TPPP: variants seen among roughly 807,000 people sequenced by gnomAD.
The protein encoded by TPPP is tubulin polymerization-promoting protein.
Under a neutral mutation model 15.5 loss-of-function variants are expected in TPPP, and 6 were observed. That is an observed-to-expected ratio of 0.39 (90% CI 0.21 to 0.77). The LOEUF is 0.77. TPPP is among the 30% of genes least tolerant of loss of function. The pLI, the probability that TPPP is intolerant of heterozygous loss-of-function variation, is 0.42. For synonymous variants in TPPP, 146 were observed against 133.9 expected (o/e 1.09, Z -0.63); for missense variants, 269 against 307.2 (o/e 0.88, Z 0.93).
chr5:673,810 C>T (rs1386574625), intron 2 of TPPP, among the ~76,000 whole-genome samples: 1 of 152,204 alleles, frequency 6.6e-6, no homozygotes, highest in Non-Finnish European at 1.5e-5. Flanking sequence ...CAGGCCCAGA[C>T]CAGCTGGGGC....
intron 2 of TPPP, chr5:667,056 AG>A (rs906932748): frequency 2.0e-5 from 3 of 148,388 alleles, no homozygotes; most frequent in African/African-American, 5.3e-5. Flanking sequence ...ACCAAGAGTC[AG>A]GGGACAAATG....
At chr5:666,148 G>GCACAGGCGA (rs779696154) in intron 2 of TPPP, 25 bp from the exon 3 acceptor site, 17 of 1,604,312 alleles carry the variant, frequency 1.1e-5, no homozygotes, top group South Asian at 8.8e-5. Context: ...GCGACTTAGG[G>GCACAGGCGA]CTGGGCGCGG....
At chr5:672,952 T>C (rs901180007) in intron 2 of TPPP, among the ~76,000 whole-genome samples, 1 of 152,212 alleles carries the variant, frequency 6.6e-6, no homozygotes, top group Non-Finnish European at 1.5e-5. Context: ...GGCTCGCAGA[T>C]ACCCCGAGCT....
In TPPP at chr5:662,270, G is replaced by A. The variant is rs1384501116; in HGVS notation, c.*2832C>T. On this transcript the variant is annotated 3_prime_UTR_variant, in exon 4 of 4. Coordinates refer to ENST00000360578, the MANE Select transcript of TPPP (RefSeq NM_007030.3). ...GTCGGTGACAGGGCCTGCTCCCTGCGAGGTCGGGTGGTGCCCGGGCCGGGC... is the reference window on the plus strand; with the variant it reads ...GTCGGTGACAGGGCCTGCTCCCTGCAAGGTCGGGTGGTGCCCGGGCCGGGC... 6.5e-6 allele frequency: 1 copy of A among 152,724 alleles called. No homozygotes were observed. The highest frequency in any genetic ancestry group is 2.4e-5 in the African/African-American group (1 of 41,468). 9.5% of individuals were successfully genotyped at this position (152,724 alleles called of 1,614,324 possible). A position where few individuals can be genotyped will look rare whatever the true frequency, so the allele number is the denominator to read the frequency against.
At position 664,893 on chromosome 5, in the gene TPPP, TG is replaced by T. The variant is rs1561079142; in HGVS notation, c.*208del. ...AGGTGTATTAGGAGGGTCAGCGAAC[TG>T]GGGCCCAAACCTGGTTTGAGAGGGG... On this transcript the variant is annotated 3_prime_UTR_variant, in exon 4 of 4. Coordinates refer to ENST00000360578, the MANE Select transcript of TPPP (RefSeq NM_007030.3). The T allele has an allele frequency of 6.7e-6, 4 of 595,832 alleles. No homozygotes were observed. In the East Asian group the frequency reaches 8.5e-5, roughly 13 times the overall value. 36.9% of individuals were successfully genotyped at this position (595,832 alleles called of 1,614,324 possible). A position where few individuals can be genotyped will look rare whatever the true frequency, so the allele number is the denominator to read the frequency against.
intron 2 of TPPP, among the ~76,000 whole-genome samples, chr5:668,826 G>A (rs1740069215): frequency 6.6e-6 from 1 of 152,358 alleles, no homozygotes; most frequent in South Asian, 2.1e-4. Context: ...GTGTGCGCAC[G>A]TGGACAGCAC....
At chr5:675,349 AGTGTGGGGGTGTGCAGTGTGGC>A (rs1740382833) in intron 2 of TPPP, among the ~76,000 whole-genome samples, 1 of 14,962 alleles carries the variant, frequency 6.7e-5, no homozygotes, top group Admixed American at 1.1e-3. Context: ...CTGGGGGTGC[AGTGTGGGGGTGTGCAGTGTGGC>A]CGGGGGTGCA....
upstream of TPPP, among the ~76,000 whole-genome samples, chr5:697,339 G>C (rs1303510395): frequency 1.4e-5 from 2 of 140,448 alleles, no homozygotes; most frequent in South Asian, 2.5e-4. Flanking sequence ...TTCTTAATAC[G>C]CCAGCCATCG....
At chr5:685,333 G>C (rs1448198567) in intron 1 of TPPP, among the ~76,000 whole-genome samples, 1 of 152,222 alleles carries the variant, frequency 6.6e-6, no homozygotes, top group African/African-American at 2.4e-5. Context: ...GGGAGGAGGA[G>C]GGCAGGGTGG....
intron 2 of TPPP, among the ~76,000 whole-genome samples, chr5:668,451 C>A (rs1053208325): frequency 1.5e-5 from 2 of 132,408 alleles, no homozygotes; most frequent in Non-Finnish European, 3.5e-5. Context: ...GAAGTGCGGA[C>A]AAGCACACGG....
chr5:681,880 C>G (rs368333263), intron 1 of TPPP, among the ~76,000 whole-genome samples: 10 of 152,344 alleles, frequency 6.6e-5, no homozygotes, highest in African/African-American at 2.4e-4. Context: ...GGGAACGAAG[C>G]CTCCTCGCAG....
At chr5:673,886 A>G (rs942958811) in intron 2 of TPPP, among the ~76,000 whole-genome samples, 5 of 152,210 alleles carry the variant, frequency 3.3e-5, no homozygotes, top group African/African-American at 1.2e-4. Context: ...TCTCCAAATG[A>G]GCCACAGCCA....
intron 2 of TPPP, among the ~76,000 whole-genome samples, chr5:673,343 C>T (rs1470793017): frequency 1.3e-5 from 2 of 151,986 alleles, no homozygotes; most frequent in Non-Finnish European, 2.9e-5. Context: ...ATCACAGGGA[C>T]CCCCCGAGGG....
At chr5:699,128 G>GA in the TPPP span, among the ~76,000 whole-genome samples, 8 of 151,610 alleles carry the variant, frequency 5.3e-5, 1 homozygote, top group East Asian at 7.7e-4. Flanking sequence ...TATCAAATTA[G>GA]AAAAAAAATC....
chr5:664,981 A>C lies in TPPP; in HGVS notation c.*121T>G. On this transcript the variant is annotated 3_prime_UTR_variant, in exon 4 of 4. Coordinates refer to ENST00000360578, the MANE Select transcript of TPPP (RefSeq NM_007030.3). ...GGAGGCCTGGGCCTGGCCGCCCCCC[A>C]GCCCCCTCTGGGGCACCCGTCTGAG... The C allele has an allele frequency of 8.0e-7, 1 of 1,244,806 alleles. No individual in the cohort carries two copies. Among genetic ancestry groups the C allele is most frequent in the Non-Finnish European group, 1.1e-6 (1 of 901,066 alleles). 77.1% of individuals were successfully genotyped at this position (1,244,806 alleles called of 1,614,324 possible).
chr5:671,269 G>A (rs988935054), intron 2 of TPPP, among the ~76,000 whole-genome samples: 7 of 152,184 alleles, frequency 4.6e-5, no homozygotes, highest in African/African-American at 7.2e-5. Flanking sequence ...TGGGGCGTGT[G>A]TAGTCACCGC....
chr5:667,873 C>G (rs1281328829), intron 2 of TPPP, among the ~76,000 whole-genome samples: 4 of 108,112 alleles, frequency 3.7e-5, no homozygotes, highest in Non-Finnish European at 5.4e-5. Context: ...GAAGTACCGA[C>G]AAGCACACAG....
At chr5:678,251 G>C (rs1206288566) in intron 1 of TPPP, among the ~76,000 whole-genome samples, 187 bp from the exon 2 acceptor site, 3 of 149,704 alleles carry the variant, frequency 2.0e-5, no homozygotes, top group Non-Finnish European at 4.4e-5. Context: ...AGGCACGCAT[G>C]TCCAGCCCCG....
intron 3 of TPPP, 123 bp from the exon 4 acceptor site, chr5:665,419 T>A: frequency 1.3e-5 from 11 of 840,184 alleles, no homozygotes; most frequent in Non-Finnish European, 2.0e-5. Flanking sequence ...GCATAAACCC[T>A]GGGATTTATG....
Sources: gnomAD v4.1 joint callset for allele counts (sites outside exome capture counted in the v4.1 genomes callset) on GRCh38, gnomAD v4.1.1 for gene constraint, MANE v1.5 for transcripts, NCBI Gene and HGNC (gene_info 2026-07-23, HGNC 2026-07-21) for gene names.